Variants in CNTN4 observed in about 807,000 individuals in gnomAD.
CNTN4 encodes contactin-4.
In CNTN4, 77 loss-of-function variants were observed where a neutral mutation model predicts 122.5. The observed-to-expected ratio is 0.63, with a 90% CI of 0.52 to 0.76. The LOEUF is 0.76. CNTN4 is among the 30% of genes least tolerant of loss of function. The pLI, the probability that CNTN4 is intolerant of heterozygous loss-of-function variation, is 0.00. For missense variants in CNTN4, 1,256 were observed against 1,259.1 expected (o/e 1.00, Z 0.04); for synonymous variants, 512 against 447.0 (o/e 1.15, Z -1.83).
At chr3:2,241,753 A>T (rs1230446235) in intron 2 of CNTN4, among the ~76,000 whole-genome samples, 1 of 152,178 alleles carries the variant, frequency 6.6e-6, no homozygotes, top group Non-Finnish European at 1.5e-5. Context: ...GACACAAGTC[A>T]TGCTCTTCTA....
At chr3:2,708,579 C>A (rs1327630572) in intron 4 of CNTN4, among the ~76,000 whole-genome samples, 1 of 152,190 alleles carries the variant, frequency 6.6e-6, no homozygotes, top group Non-Finnish European at 1.5e-5. Context: ...TGGTATGGGA[C>A]TGAGGCTCTA....
intron 4 of CNTN4, among the ~76,000 whole-genome samples, chr3:2,607,210 A>G (rs2081294531): frequency 6.6e-6 from 1 of 152,200 alleles, no homozygotes; most frequent in Non-Finnish European, 1.5e-5. Context: ...AAATTATTGT[A>G]GTCATATTGC....
intron 6 of CNTN4, among the ~76,000 whole-genome samples, chr3:2,796,971 G>A (rs1485619974): frequency 6.6e-6 from 1 of 152,000 alleles, no homozygotes; most frequent in Non-Finnish European, 1.5e-5. Flanking sequence ...TCCCAAACTG[G>A]TGAATTCTGC....
rs1425282267 is a variant in CNTN4, at chr3:2,391,650, AAGTT to A, written c.-89+52424_-89+52427del. 5.3e-5 allele frequency among the ~76,000 whole-genome samples: 8 copies of A among 152,308 alleles called. No individual in the cohort carries two copies. In the East Asian group the frequency reaches 1.4e-3, roughly 26 times the overall value. The stretch of plus-strand genomic sequence containing the variant: ...AGACGTGATGTTTATATGTAATGCC[AAGTT>A]AGTTAGCTCAAAATTTAGATTGAGA... On this transcript the variant is annotated intron_variant, in intron 3 of 24. Coordinates refer to ENST00000418658, the MANE Select transcript of CNTN4 (RefSeq NM_175607.3).
intron 4 of CNTN4, among the ~76,000 whole-genome samples, chr3:2,585,834 A>G (rs2080175261): frequency 1.3e-5 from 2 of 151,380 alleles, no homozygotes; most frequent in African/African-American, 4.9e-5. Flanking sequence ...AACTTAAAGT[A>G]TAATAAAAAA....
intron 14 of CNTN4, among the ~76,000 whole-genome samples, chr3:2,999,490 T>A (rs1695834765): frequency 6.6e-6 from 1 of 152,098 alleles, no homozygotes; most frequent in African/African-American, 2.4e-5. Context: ...CTCATGGCTC[T>A]CGGGGCTGGG....
At chr3:2,190,017 C>A (rs967015047) in intron 2 of CNTN4, among the ~76,000 whole-genome samples, 1 of 152,190 alleles carries the variant, frequency 6.6e-6, no homozygotes, top group Non-Finnish European at 1.5e-5. Context: ...TGAGACTCTG[C>A]TCTCCTGCAG....
chr3:2,104,229 CGTGTGTGT>C (rs142907603), intron 2 of CNTN4, among the ~76,000 whole-genome samples: 2 of 135,586 alleles, frequency 1.5e-5, no homozygotes, highest in South Asian at 2.4e-4. Flanking sequence ...TTTATGTCTA[CGTGTGTGT>C]GTGTGTGTGT....
chr3:2,120,592 G>T (rs2033705236), intron 2 of CNTN4, among the ~76,000 whole-genome samples: 2 of 151,058 alleles, frequency 1.3e-5, no homozygotes, highest in Admixed American at 1.3e-4. Context: ...TAGTAGAGAG[G>T]AGGGTTCTCC....
rs1016463781 is a variant in CNTN4 at position 2,875,625 on chromosome 3, A to G, written c.653-7520A>G. 3.6e-4 allele frequency among the ~76,000 whole-genome samples: 55 copies of G among 152,322 alleles called. 1 individual carries two copies. Among genetic ancestry groups the G allele is most frequent in the African/African-American group, 1.2e-3 (48 of 41,562 alleles). On this transcript the variant is annotated intron_variant, in intron 8 of 24. Transcript: ENST00000418658. Reference sequence around the variant, plus strand: ...AGGGACTGTATAGCCCACAAAACCTAGATAAAATTCTTATTTTCTGGCCTT... The same window carrying G: ...AGGGACTGTATAGCCCACAAAACCTGGATAAAATTCTTATTTTCTGGCCTT...
intron 2 of CNTN4, among the ~76,000 whole-genome samples, chr3:2,231,328 T>C (rs1371936197): frequency 6.6e-6 from 1 of 152,218 alleles, no homozygotes; most frequent in Non-Finnish European, 1.5e-5. Context: ...GGCATGGAGA[T>C]GCTCAGAGAA....
chr3:2,729,380 C>CGGTG (rs1559437998), intron 4 of CNTN4, among the ~76,000 whole-genome samples: 16 of 148,460 alleles, frequency 1.1e-4, no homozygotes, highest in African/African-American at 4.1e-4. Flanking sequence ...CCGGCTAACA[C>CGGTG]AAAATTAACA....
chr3:2,536,129 A>T (rs1253578212), intron 3 of CNTN4, among the ~76,000 whole-genome samples: 1 of 152,176 alleles, frequency 6.6e-6, no homozygotes, highest in Non-Finnish European at 1.5e-5. Flanking sequence ...TCCAATAGGC[A>T]GGGATTTAAG....
intron 12 of CNTN4, among the ~76,000 whole-genome samples, chr3:2,915,471 A>G (rs571607307): frequency 1.3e-5 from 2 of 152,296 alleles, no homozygotes; most frequent in East Asian, 1.9e-4. Flanking sequence ...TTCCTTTCCA[A>G]TTTGGATGGC....
chr3:2,224,417 A>G (rs564905551), intron 2 of CNTN4, among the ~76,000 whole-genome samples: 2 of 152,324 alleles, frequency 1.3e-5, no homozygotes, highest in South Asian at 2.1e-4. Context: ...GGGAAAGACG[A>G]TAGTCTGTGA....
chr3:2,545,245 G>GT (rs1383974091), intron 3 of CNTN4, among the ~76,000 whole-genome samples: 2 of 151,856 alleles, frequency 1.3e-5, no homozygotes, highest in Non-Finnish European at 2.9e-5. Flanking sequence ...ACAATTTTGA[G>GT]TTTTTTGCAT....
At chr3:2,519,555 A>G (rs2077138914) in intron 3 of CNTN4, among the ~76,000 whole-genome samples, 1 of 152,152 alleles carries the variant, frequency 6.6e-6, no homozygotes, top group Admixed American at 6.5e-5. Context: ...CTAGAACTCT[A>G]TTGGCAGCCA....
chr3:2,616,694 G>GA (rs1381994559), intron 4 of CNTN4, among the ~76,000 whole-genome samples: 1 of 152,066 alleles, frequency 6.6e-6, no homozygotes, highest in African/African-American at 2.4e-5. Flanking sequence ...GATGGTCTAA[G>GA]AAAAAAGAAC....
intron 12 of CNTN4, among the ~76,000 whole-genome samples, chr3:2,912,762 G>A (rs965536706): frequency 2.0e-5 from 3 of 152,210 alleles, no homozygotes; most frequent in Admixed American, 1.3e-4. Context: ...TTTAAGATGT[G>A]CTATATAATT....
Sources: allele counts gnomAD v4.1 joint callset (sites outside exome capture counted in the v4.1 genomes callset), GRCh38; gene constraint gnomAD v4.1.1; transcripts MANE v1.5; gene names NCBI Gene and HGNC (gene_info 2026-07-23, HGNC 2026-07-21).